The following KCNQ1 variants were observed in gnomAD, a reference collection of about 807,000 sequenced individuals.
KCNQ1 encodes potassium voltage-gated channel subfamily Q member 1.
Under a neutral mutation model 72.4 loss-of-function variants are expected in KCNQ1, and 49 were observed. That is an observed-to-expected ratio of 0.68 (90% confidence interval 0.54 to 0.86). The LOEUF (loss-of-function observed/expected upper bound fraction) is 0.86, where lower values mean the gene tolerates loss of function less well. KCNQ1 is among the 40% of genes least tolerant of loss of function. KCNQ1 has a pLI of 0.00. For missense variants in KCNQ1, 790 were observed against 945.1 expected (o/e 0.84, Z 2.15); for synonymous variants, 450 against 412.6 (o/e 1.09, Z -1.10).
chr11:2,591,652 C>T (rs756689139), intron 10 of KCNQ1, among the ~76,000 whole-genome samples: 3 of 152,236 alleles, frequency 2.0e-5, no homozygotes, highest in African/African-American at 4.8e-5. Flanking sequence ...GAATCGATGC[C>T]GTCCATTCAG....
Position 2,661,305 on chromosome 11 carries a change from A to C in KCNQ1, c.1394-656A>C. ...GAGCAAATACTGATAGTGTCAACAG[A>C]GAGTGGGGAGTGATAAGGATCAGTA... On this transcript the variant is annotated intron_variant, in intron 10 of 15. Transcript: ENST00000155840. This position sits in a 1 kb window ranked among gnomAD's most constrained non-coding sequence, Gnocchi z 5.9. 2.5e-6 allele frequency: 1 copy of C among 401,028 alleles called. No individual in the cohort carries two copies. The highest frequency in any genetic ancestry group is 3.6e-5 in the East Asian group (1 of 28,124). 24.8% of individuals were successfully genotyped at this position (401,028 alleles called of 1,614,324 possible).
intron 11 of KCNQ1, chr11:2,680,076 G>A: frequency 2.5e-6 from 1 of 394,218 alleles, no homozygotes; most frequent in Non-Finnish European, 4.5e-6. Context: ...TTTTTTATTA[G>A]AGACAGGGTT....
Position 2,678,878 on chromosome 11 carries a change from C to T in KCNQ1, c.1514+16797C>T, listed in dbSNP as rs1374422885. Reference sequence around the variant, plus strand: ...GGGTGCACAGGAGTTGCCAGCTGGACCCAAGGACCATTTCGTATACATGTA... The same window carrying T: ...GGGTGCACAGGAGTTGCCAGCTGGATCCAAGGACCATTTCGTATACATGTA... On this transcript the variant is annotated intron_variant, in intron 11 of 15. Coordinates refer to ENST00000155840, the MANE Select transcript of KCNQ1 (RefSeq NM_000218.3). The surrounding 1 kb of genome is among the most constrained non-coding windows in gnomAD (Gnocchi z 4.9). The T allele has an allele frequency of 2.5e-6, 1 of 398,400 alleles. No individual in the cohort carries two copies. Among genetic ancestry groups the T allele is most frequent in the African/African-American group, 2.1e-5 (1 of 48,570 alleles). 24.7% of individuals were successfully genotyped at this position (398,400 alleles called of 1,614,324 possible).
Position 2,669,525 on chromosome 11 carries a change from C to T in KCNQ1, c.1514+7444C>T, listed in dbSNP as rs903676025. On this transcript the variant is annotated intron_variant, in intron 11 of 15. Transcript: ENST00000155840. The surrounding 1 kb of genome is among the most constrained non-coding windows in gnomAD (Gnocchi z 5.6). ...GTCAGCTAATGGTTTGATGTATGTT[C>T]GCTGAATCCAGGGACAAGGTCTGTC... 1 of 398,596 alleles carries T rather than the reference C, an allele frequency of 2.5e-6. No homozygotes were observed. The highest frequency in any genetic ancestry group is 4.4e-6 in the Non-Finnish European group (1 of 226,074). 24.7% of individuals were successfully genotyped at this position (398,596 alleles called of 1,614,324 possible).
intron 15 of KCNQ1, among the ~76,000 whole-genome samples, chr11:2,780,657 C>T (rs1213017991): frequency 2.6e-5 from 4 of 152,222 alleles, no homozygotes; most frequent in South Asian, 4.1e-4. Flanking sequence ...GAGAGGTCTC[C>T]GGGATGCACA....
chr11:2,581,999 C>T (rs778348064), intron 6 of KCNQ1, among the ~76,000 whole-genome samples: 13 of 152,204 alleles, frequency 8.5e-5, no homozygotes, highest in Non-Finnish European at 1.9e-4. Context: ...AGCGAACGTG[C>T]GGTCAGGGCA....
intron 11 of KCNQ1, among the ~76,000 whole-genome samples, chr11:2,716,375 G>A (rs958536097): frequency 2.6e-5 from 4 of 152,148 alleles, no homozygotes; most frequent in African/African-American, 9.7e-5. Flanking sequence ...GTGGTCAGCT[G>A]GCCAAGCCAC....
intron 10 of KCNQ1, chr11:2,632,981 G>T: frequency 2.5e-6 from 1 of 398,190 alleles, no homozygotes; most frequent in South Asian, 1.3e-4. Context: ...TAGTTTTTTT[G>T]ACAAAACACC....
chr11:2,529,445 T>C (rs1847572694), intron 2 of KCNQ1, among the ~76,000 whole-genome samples: 1 of 152,084 alleles, frequency 6.6e-6, no homozygotes, highest in South Asian at 2.1e-4. Flanking sequence ...GACTGACATC[T>C]CGGTGGTCTC....
rs982128555 is a variant in KCNQ1, at chr11:2,767,464, G to T, written c.1515-1380G>T. On this transcript the variant is annotated intron_variant, in intron 11 of 15. Coordinates refer to ENST00000155840, the MANE Select transcript of KCNQ1 (RefSeq NM_000218.3). This position sits in a 1 kb window ranked among gnomAD's most constrained non-coding sequence, Gnocchi z 4.6. ...GAAGGAGCTGCAAGTATTTAAGGCTGTTGGAAGTACCACACCTTTAGATCT... is the reference window on the plus strand; with the variant it reads ...GAAGGAGCTGCAAGTATTTAAGGCTTTTGGAAGTACCACACCTTTAGATCT... Among the ~76,000 whole-genome samples, 2 of 152,216 alleles carry T rather than the reference G, an allele frequency of 1.3e-5. No individual in the cohort carries two copies. The highest frequency in any genetic ancestry group is 6.5e-5 in the Admixed American group (1 of 15,286).
intron 15 of KCNQ1, among the ~76,000 whole-genome samples, chr11:2,839,088 C>T (rs920270139): frequency 7.2e-5 from 11 of 152,254 alleles, no homozygotes; most frequent in African/African-American, 2.4e-4. Context: ...TGGCGTCTGC[C>T]GGCAGGAAGC....
intron 2 of KCNQ1, among the ~76,000 whole-genome samples, chr11:2,557,995 C>T (rs1440408272): frequency 2.0e-5 from 3 of 152,184 alleles, no homozygotes; most frequent in Non-Finnish European, 2.9e-5. Flanking sequence ...CTGATCAAAA[C>T]CCAATATCAT....
At chr11:2,754,437 G>C (rs1846269597) in intron 11 of KCNQ1, among the ~76,000 whole-genome samples, 2 of 152,212 alleles carry the variant, frequency 1.3e-5, no homozygotes, top group Admixed American at 1.3e-4. Context: ...AAATAACCAA[G>C]AAGATCAAGG....
intron 10 of KCNQ1, chr11:2,619,854 T>A (rs1172369915): frequency 2.5e-6 from 1 of 398,430 alleles, no homozygotes; most frequent in Non-Finnish European, 4.4e-6. Context: ...GTTTTGGGGT[T>A]TTTTTAACTT....
chr11:2,667,206 GC>G lies in KCNQ1; in HGVS notation c.1514+5130del, dbSNP rs1214375461. 1.4e-4 allele frequency: 54 copies of G among 398,706 alleles called. No individual in the cohort carries two copies. Among genetic ancestry groups the G allele is most frequent in the South Asian group, 6.4e-4 (5 of 7,858 alleles). 24.7% of individuals were successfully genotyped at this position (398,706 alleles called of 1,614,324 possible). The stretch of plus-strand genomic sequence containing the variant: ...AGCCCAGCTGTGGCGGCCCCCCGTG[GC>G]CCCCTAACCTTTCCAAACTTCACTT... On this transcript the variant is annotated intron_variant, in intron 11 of 15. Coordinates refer to ENST00000155840, the MANE Select transcript of KCNQ1 (RefSeq NM_000218.3).
At chr11:2,732,200 A>G (rs187088873) in intron 11 of KCNQ1, among the ~76,000 whole-genome samples, 2 of 152,282 alleles carry the variant, frequency 1.3e-5, no homozygotes, top group Admixed American at 1.3e-4. Context: ...GTGGGTGAGG[A>G]CGATGCTTGG....
chr11:2,576,336 A>G lies in KCNQ1; in HGVS notation c.921+3350A>G, dbSNP rs117092622. ...CGCAACTTGGATGTGAGAACTCTCG[A>G]ATCCCCTGAGTGTGGCGCCTGCCCT... On this transcript the variant is annotated intron_variant, in intron 6 of 15. Transcript: ENST00000155840. Among the ~76,000 whole-genome samples the G allele has an allele frequency of 1.7e-3, 255 of 152,334 alleles. 9 individuals carry two copies. The East Asian group carries it at 0.033, about 20-fold the overall frequency.
At chr11:2,699,724 G>A (rs1850756378) in intron 11 of KCNQ1, 2 of 332,224 alleles carry the variant, frequency 6.0e-6, no homozygotes, top group Non-Finnish European at 1.0e-5. Flanking sequence ...AGGAGTCCCC[G>A]GGGAGAACTG....
Position 2,509,516 on chromosome 11 carries a change from C to A in KCNQ1, c.387-18412C>A, listed in dbSNP as rs1847159814. Among the ~76,000 whole-genome samples, 1 of 152,196 alleles carries A rather than the reference C, an allele frequency of 6.6e-6. No homozygotes were observed. Among genetic ancestry groups the A allele is most frequent in the Non-Finnish European group, 1.5e-5 (1 of 68,038 alleles). ...TGAGCAGAGACAGAGGAAGGCAGGG[C>A]AGCCTGCTCAGAGGATGAGCCCAGC... is the stretch of plus-strand genomic sequence containing the variant. On this transcript the variant is annotated intron_variant, in intron 1 of 15. Transcript: ENST00000155840. This position sits in a 1 kb window ranked among gnomAD's most constrained non-coding sequence, Gnocchi z 6.3.
Sources: gnomAD v4.1 joint callset for allele counts (sites outside exome capture counted in the v4.1 genomes callset) on GRCh38, gnomAD v4.1.1 for gene constraint, Gnocchi (gnomAD v3.1) non-coding constraint, MANE v1.5 for transcripts, NCBI Gene and HGNC (gene_info 2026-07-23, HGNC 2026-07-21) for gene names.